The following RSRC1 variants were observed in gnomAD, a reference collection of about 807,000 sequenced individuals.
The protein encoded by RSRC1 is arginine and serine rich coiled-coil 1.
In RSRC1, 39 loss-of-function variants were observed where a neutral mutation model predicts 49.1. The observed-to-expected ratio is 0.79, with a 90% confidence interval of 0.61 to 1.04. The LOEUF (loss-of-function observed/expected upper bound fraction) is 1.04, where lower values mean the gene tolerates loss of function less well. Ranked by LOEUF, RSRC1 falls within the 50% of genes least tolerant of loss-of-function variation. RSRC1 has a pLI of 0.00. For missense variants in RSRC1, 388 were observed against 402.4 expected (o/e 0.96, Z 0.31); for synonymous variants, 143 against 130.8 (o/e 1.09, Z -0.63).
At chr3:158,199,692 A>G (rs1720914361) in intron 3 of RSRC1, among the ~76,000 whole-genome samples, 2 of 152,078 alleles carry the variant, frequency 1.3e-5, no homozygotes, top group Admixed American at 6.5e-5. Context: ...GCATCCCACA[A>G]ATTCTCATAT....
intron 3 of RSRC1, among the ~76,000 whole-genome samples, chr3:158,166,340 G>T (rs866117187): frequency 6.6e-5 from 10 of 152,084 alleles, no homozygotes; most frequent in Non-Finnish European, 4.4e-5. Context: ...CATTAGCTAA[G>T]CATCTGTAAA....
In RSRC1 at chr3:158,477,601, A is replaced by G. The variant is rs926998107; in HGVS notation, c.652+16598A>G. On this transcript the variant is annotated intron_variant, in intron 7 of 9. Transcript: ENST00000611884. ...AACACTATTGCACACTTAATAGACT[A>G]TAGTGTAGTGTAAACATAACTTTTA... 2.6e-5 allele frequency among the ~76,000 whole-genome samples: 4 copies of G among 152,086 alleles called. No homozygotes were observed. The East Asian group carries it at 7.7e-4, about 29-fold the overall frequency.
At chr3:158,477,776 T>C (rs1738429305) in intron 7 of RSRC1, among the ~76,000 whole-genome samples, 2 of 110,982 alleles carry the variant, frequency 1.8e-5, no homozygotes, top group African/African-American at 7.7e-5. Context: ...AGCATGGTGA[T>C]GGGATAGGTT....
At chr3:158,293,963 AT>A (rs1356446544) in intron 4 of RSRC1, among the ~76,000 whole-genome samples, 1 of 151,852 alleles carries the variant, frequency 6.6e-6, no homozygotes, top group Non-Finnish European at 1.5e-5. Flanking sequence ...TTTTCTCTTA[AT>A]CCATTATAGT....
chr3:158,420,490 G>A (rs989111361), intron 6 of RSRC1, among the ~76,000 whole-genome samples: 4 of 151,832 alleles, frequency 2.6e-5, no homozygotes, highest in African/African-American at 7.3e-5. Context: ...TTCCTGGACC[G>A]GTTCTGCCAC....
At position 158,126,349 on chromosome 3, in the gene RSRC1, A is replaced by AT. The variant is rs562221189; in HGVS notation, c.320+2366dup. On this transcript the variant is annotated intron_variant, in intron 3 of 9. Coordinates refer to ENST00000611884, the MANE Select transcript of RSRC1 (RefSeq NM_001271838.2). ...TTGATTTTTGTATTGACATGCTATG[A>AT]TTTTTTTTCTGATTTTATTTTGTAT... 1.4e-3 allele frequency among the ~76,000 whole-genome samples: 211 copies of AT among 147,414 alleles called. 1 individual carries two copies. Among genetic ancestry groups the AT allele is most frequent in the African/African-American group, 4.1e-3 (165 of 40,078 alleles).
chr3:158,450,225 G>A (rs1053329004), intron 6 of RSRC1, among the ~76,000 whole-genome samples: 2 of 151,672 alleles, frequency 1.3e-5, no homozygotes, highest in South Asian at 4.1e-4. Flanking sequence ...TGTTTTGAGT[G>A]GACAAATGAA....
At chr3:158,325,611 A>G (rs1578339240) in intron 5 of RSRC1, among the ~76,000 whole-genome samples, 2 of 152,172 alleles carry the variant, frequency 1.3e-5, no homozygotes, top group Non-Finnish European at 2.9e-5. Flanking sequence ...TACCACTACC[A>G]TGCTGTTTTG....
At chr3:158,128,633 A>G (rs1385712859) in intron 3 of RSRC1, among the ~76,000 whole-genome samples, 2 of 152,216 alleles carry the variant, frequency 1.3e-5, no homozygotes, top group Non-Finnish European at 2.9e-5. Context: ...AAAGCAGGAC[A>G]TTAACATTGA....
intron 3 of RSRC1, among the ~76,000 whole-genome samples, chr3:158,196,468 T>C (rs1419440572): frequency 6.6e-6 from 1 of 152,186 alleles, no homozygotes; most frequent in Non-Finnish European, 1.5e-5. Flanking sequence ...TGACTTCCTC[T>C]TTTCCTAATT....
chr3:158,116,774 G>C (rs115019486), intron 1 of RSRC1, among the ~76,000 whole-genome samples: 1 of 152,076 alleles, frequency 6.6e-6, no homozygotes, highest in Non-Finnish European at 1.5e-5. Context: ...GGGTCTACAG[G>C]CCTCATTTTG....
In RSRC1 at chr3:158,230,440, C is replaced by T. The variant is rs114277910; in HGVS notation, c.494+27195C>T. On this transcript the variant is annotated intron_variant, in intron 4 of 9. Transcript: ENST00000611884. ...CCCACGTTTCTTCCTCAATAAATTA[C>T]GTGCTTTATTTTCTCCATATATGTT... Among the ~76,000 whole-genome samples, 634 of 152,172 alleles carry T rather than the reference C, an allele frequency of 4.2e-3. 2 individuals are homozygous for T. The highest frequency in any genetic ancestry group is 0.014 in the African/African-American group (594 of 41,540).
chr3:158,279,987 A>G (rs1290446277), intron 4 of RSRC1, among the ~76,000 whole-genome samples: 1 of 152,214 alleles, frequency 6.6e-6, no homozygotes, highest in Non-Finnish European at 1.5e-5. Context: ...GTATCAGTAG[A>G]GGTAGTATGC....
At chr3:158,366,658 T>C (rs1731786620) in intron 6 of RSRC1, among the ~76,000 whole-genome samples, 1 of 152,218 alleles carries the variant, frequency 6.6e-6, no homozygotes, top group South Asian at 2.1e-4. Flanking sequence ...ATATGAACTT[T>C]AAAGTAGTTT....
Position 158,378,026 on chromosome 3 carries a change from A to G in RSRC1, c.583+23118A>G, listed in dbSNP as rs144443034. On this transcript the variant is annotated intron_variant, in intron 6 of 9. Transcript: ENST00000611884. ...TCATCCTGCTCTTTTTTCCCTCCCA[A>G]TTTTTTTCTCTGAGTTTTCAGGTTG... Among the ~76,000 whole-genome samples the G allele has an allele frequency of 9.1e-3, 1,368 of 150,896 alleles. 14 individuals carry two copies. Among genetic ancestry groups the G allele is most frequent in the African/African-American group, 0.032 (1,301 of 41,038 alleles).
At chr3:158,304,479 T>G (rs1727734263) in intron 5 of RSRC1, among the ~76,000 whole-genome samples, 1 of 152,120 alleles carries the variant, frequency 6.6e-6, no homozygotes, top group South Asian at 2.1e-4. Flanking sequence ...ACTCTAAACT[T>G]TCGTCTGTAG....
At chr3:158,121,559 C>T (rs1715260594) in intron 1 of RSRC1, among the ~76,000 whole-genome samples, 1 of 151,780 alleles carries the variant, frequency 6.6e-6, no homozygotes, top group South Asian at 2.1e-4. Flanking sequence ...TCAGTTTGTA[C>T]TTTGTTGATG....
chr3:158,381,532 A>G (rs1262365617), intron 6 of RSRC1, among the ~76,000 whole-genome samples: 1 of 152,214 alleles, frequency 6.6e-6, no homozygotes, highest in Non-Finnish European at 1.5e-5. Context: ...TGATGAGGAT[A>G]CATTCTGAGA....
chr3:158,232,579 A>G (rs1209182874), intron 4 of RSRC1, among the ~76,000 whole-genome samples: 1 of 152,166 alleles, frequency 6.6e-6, no homozygotes. Flanking sequence ...GTCCAAGGAC[A>G]GTGCTCTAGA....
Sources: gnomAD v4.1 joint callset for allele counts (sites outside exome capture counted in the v4.1 genomes callset) on GRCh38, gnomAD v4.1.1 for gene constraint, MANE v1.5 for transcripts, NCBI Gene and HGNC (gene_info 2026-07-23, HGNC 2026-07-21) for gene names.